FOXN3: variants seen among roughly 807,000 people sequenced by gnomAD.
The protein encoded by FOXN3 is forkhead box protein N3.
FOXN3 carries 7 observed loss-of-function variants against 38.4 expected under a neutral mutation model. That is an observed-to-expected ratio of 0.18 (90% CI 0.10 to 0.34). The LOEUF is 0.34. Among genes scored for constraint, FOXN3 ranks in the 10% least tolerant of loss-of-function variants. The probability of loss-of-function intolerance (pLI) is 1.00; values close to 1 mark genes in which losing one functional copy is unlikely to be tolerated. For synonymous variants in FOXN3, 230 were observed against 242.2 expected, an observed-to-expected ratio of 0.95 and a Z score of 0.47; for missense variants, 456 against 613.4, an observed-to-expected ratio of 0.74 and a Z score of 2.71.
intron 1 of FOXN3, among the ~76,000 whole-genome samples, chr14:89,540,049 G>A (rs143755408): frequency 1.4e-4 from 22 of 152,310 alleles, no homozygotes; most frequent in African/African-American, 4.8e-4. Context: ...ATATCACGAT[G>A]CAACAGAACA....
intron 3 of FOXN3, among the ~76,000 whole-genome samples, chr14:89,346,494 T>C (rs1888762487): frequency 6.6e-6 from 1 of 152,160 alleles, no homozygotes; most frequent in Admixed American, 6.5e-5. Flanking sequence ...AAGGACAAAA[T>C]CATTGTTTGA....
In FOXN3 at chr14:89,233,083, C is replaced by T. The variant is rs76284277; in HGVS notation, c.745+47867G>A. Among the ~76,000 whole-genome samples the T allele has an allele frequency of 7.1e-3, 1,087 of 152,218 alleles. 52 individuals carry two copies. The East Asian group carries it at 0.1, about 15-fold the overall frequency. On this transcript the variant is annotated intron_variant, in intron 4 of 5. Coordinates refer to ENST00000557258, the MANE Select transcript of FOXN3 (RefSeq NM_005197.4). ...GATAGAAATTACATTCGAGGGCATC[C>T]GACACAAAGGACACTTGTGCAAGCA... is the stretch of plus-strand genomic sequence containing the variant.
At chr14:89,325,274 A>T (rs868172406) in intron 3 of FOXN3, among the ~76,000 whole-genome samples, 2 of 55,040 alleles carry the variant, frequency 3.6e-5, no homozygotes, top group African/African-American at 1.1e-4. Flanking sequence ...ACCATCACCA[A>T]CACCAACACC....
At chr14:89,607,596 A>G (rs1002859449) in intron 1 of FOXN3, among the ~76,000 whole-genome samples, 6 of 151,230 alleles carry the variant, frequency 4.0e-5, no homozygotes, top group African/African-American at 1.2e-4. Flanking sequence ...TTTGCTGCCC[A>G]TGCACACAGA....
At chr14:89,581,446 C>T (rs893031305) in intron 1 of FOXN3, among the ~76,000 whole-genome samples, 4 of 150,456 alleles carry the variant, frequency 2.7e-5, no homozygotes, top group Non-Finnish European at 5.9e-5. Flanking sequence ...CGTGCCATTG[C>T]AGTCTAGCTT....
At chr14:89,501,172 T>G (rs2139789427) in intron 1 of FOXN3, among the ~76,000 whole-genome samples, 1 of 152,332 alleles carries the variant, frequency 6.6e-6, no homozygotes, top group South Asian at 2.1e-4. Flanking sequence ...CACATGTATC[T>G]TATGCTAATC....
At chr14:89,413,937 G>A (rs1228310482) in intron 1 of FOXN3, among the ~76,000 whole-genome samples, 5 of 139,390 alleles carry the variant, frequency 3.6e-5, no homozygotes, top group African/African-American at 1.1e-4. Context: ...AGCGGGAGGG[G>A]GAGGAGAAGG....
chr14:89,412,163 T>C lies in FOXN3; in HGVS notation c.314A>G (p.Tyr105Cys). 6.2e-7 allele frequency: 1 copy of C among 1,611,338 alleles called. No individual in the cohort carries two copies. Residue 105 changes from tyrosine to cysteine, a missense_variant, in exon 2 of 6, where the codon TAC becomes TGC. Coordinates refer to ENST00000557258, the MANE Select transcript of FOXN3 (RefSeq NM_005197.4). The surrounding 1 kb of genome is among the most constrained non-coding windows in gnomAD (Gnocchi z 4.7). ...GCAGTTGGGGTTCTGCCTGGCATCGTAGGGCATGTCAGAGTGGGCAGGGGA... is the reference window on the plus strand; with the variant it reads ...GCAGTTGGGGTTCTGCCTGGCATCGCAGGGCATGTCAGAGTGGGCAGGGGA... ...PPSPAHSDMP[Y>C]DARQNPNCKP... is the part of the protein sequence containing the mutation.
At chr14:89,196,197 C>G (rs561577489) in intron 4 of FOXN3, among the ~76,000 whole-genome samples, 1 of 152,278 alleles carries the variant, frequency 6.6e-6, no homozygotes, top group African/African-American at 2.4e-5. Context: ...TGTACACACA[C>G]AGTTATATTA....
chr14:89,196,369 T>C (rs17716594), intron 4 of FOXN3, among the ~76,000 whole-genome samples: 36,909 of 152,080 alleles, frequency 0.24, 4,772 homozygotes, highest in Admixed American at 0.32. Context: ...AGCACTGCAC[T>C]AGACATGAGG....
At chr14:89,525,583 A>G (rs1800566111) in intron 1 of FOXN3, among the ~76,000 whole-genome samples, 1 of 149,344 alleles carries the variant, frequency 6.7e-6, no homozygotes, top group Admixed American at 6.7e-5. Context: ...CTGCCTATGC[A>G]GTAGCCATTC....
At chr14:89,435,043 A>T (rs1287180849) in intron 1 of FOXN3, among the ~76,000 whole-genome samples, 1 of 152,232 alleles carries the variant, frequency 6.6e-6, no homozygotes. Context: ...AATCAGATTA[A>T]CTTTCCCCCA....
At chr14:89,510,535 T>C in intron 1 of FOXN3, among the ~76,000 whole-genome samples, 1 of 151,974 alleles carries the variant, frequency 6.6e-6, no homozygotes, top group Non-Finnish European at 1.5e-5. Flanking sequence ...CGATCACACA[T>C]GAGACCAGTG....
chr14:89,292,728 C>T (rs190077910), intron 3 of FOXN3, among the ~76,000 whole-genome samples: 74 of 152,294 alleles, frequency 4.9e-4, no homozygotes, highest in Middle Eastern at 3.4e-3. Flanking sequence ...TTCCCAGCCT[C>T]CAGCATAGCG....
chr14:89,513,048 G>A (rs1488530089), intron 1 of FOXN3, among the ~76,000 whole-genome samples: 1 of 150,022 alleles, frequency 6.7e-6, no homozygotes, highest in East Asian at 2.0e-4. Context: ...GCTGAGGCAG[G>A]AGAATTGCTT....
chr14:89,195,616 C>A (rs115027096), intron 4 of FOXN3, among the ~76,000 whole-genome samples: 2,300 of 152,246 alleles, frequency 0.015, 64 homozygotes, highest in African/African-American at 0.053. Flanking sequence ...AGGAGGGGAG[C>A]AGTGGATTGG....
chr14:89,203,500 G>T (rs545992418), intron 4 of FOXN3, among the ~76,000 whole-genome samples: 2 of 152,354 alleles, frequency 1.3e-5, no homozygotes, highest in South Asian at 4.1e-4. Flanking sequence ...TGCCAGGCTA[G>T]GTGTGCCTGG....
At chr14:89,280,616 A>G (rs887778767) in intron 4 of FOXN3, among the ~76,000 whole-genome samples, 1 of 152,170 alleles carries the variant, frequency 6.6e-6, no homozygotes, top group Non-Finnish European at 1.5e-5. Flanking sequence ...TTATCAGCCT[A>G]GTTTATGTTT....
chr14:89,283,154 G>C (rs369020621), intron 3 of FOXN3, among the ~76,000 whole-genome samples: 2 of 152,226 alleles, frequency 1.3e-5, no homozygotes, highest in African/African-American at 4.8e-5. Flanking sequence ...ATATCTACAC[G>C]CTTCTTTTGG....
Sources: gnomAD v4.1 joint callset for allele counts (sites outside exome capture counted in the v4.1 genomes callset) on GRCh38, gnomAD v4.1.1 for gene constraint, Gnocchi (gnomAD v3.1) non-coding constraint, MANE v1.5 for transcripts, NCBI Gene and HGNC (gene_info 2026-07-23, HGNC 2026-07-21) for gene names.